CHCHD6: variants seen among roughly 807,000 people sequenced by gnomAD.
The protein encoded by CHCHD6 is MICOS complex subunit MIC25.
A neutral mutation model predicts 32.3 loss-of-function variants in CHCHD6; 28 were observed. The ratio of observed to expected loss-of-function variants is 0.87; its 90% CI spans 0.64 to 1.19. The LOEUF (loss-of-function observed/expected upper bound fraction) is 1.19, where lower values mean the gene tolerates loss of function less well. Ranked by LOEUF, CHCHD6 falls within the 50% of genes most tolerant of loss-of-function variation. The pLI is 0.00. For synonymous variants in CHCHD6, 122 were observed against 117.5 expected (o/e 1.04, Z -0.25); for missense variants, 333 against 307.0 (o/e 1.08, Z -0.63).
At chr3:126,820,189 A>G (rs1940088961) in intron 4 of CHCHD6, among the ~76,000 whole-genome samples, 1 of 152,220 alleles carries the variant, frequency 6.6e-6, no homozygotes, top group Admixed American at 6.5e-5. Context: ...CTCTGGCCAC[A>G]GTGGTTGGTC....
At chr3:126,937,499 T>A (rs1392244714) in intron 6 of CHCHD6, among the ~76,000 whole-genome samples, 3 of 152,346 alleles carry the variant, frequency 2.0e-5, no homozygotes, top group African/African-American at 7.2e-5. Flanking sequence ...GGTCTTGGCC[T>A]GTCCATGGGC....
intron 6 of CHCHD6, among the ~76,000 whole-genome samples, chr3:126,935,987 A>T (rs1322504231): frequency 1.3e-5 from 2 of 152,228 alleles, no homozygotes; most frequent in African/African-American, 4.8e-5. Context: ...TGGCCCAGGA[A>T]ATCCATAGAT....
At chr3:126,711,660 A>G (rs753905676) in intron 1 of CHCHD6, among the ~76,000 whole-genome samples, 1 of 152,164 alleles carries the variant, frequency 6.6e-6, no homozygotes, top group Non-Finnish European at 1.5e-5. Context: ...GATATGATGT[A>G]GCATCTCCAT....
chr3:126,956,303 A>T (rs1311834313), intron 6 of CHCHD6, among the ~76,000 whole-genome samples: 1 of 152,212 alleles, frequency 6.6e-6, no homozygotes, highest in African/African-American at 2.4e-5. Context: ...TAAGTGTTAC[A>T]GTGGGTCCGT....
chr3:126,957,039 C>T, intron 6 of CHCHD6: 1 of 284,754 alleles, frequency 3.5e-6, no homozygotes, highest in African/African-American at 2.1e-5. Flanking sequence ...GGATGGCTAT[C>T]CTGGGCACAG....
chr3:126,746,728 T>G (rs978278261), intron 4 of CHCHD6, among the ~76,000 whole-genome samples: 40 of 152,198 alleles, frequency 2.6e-4, no homozygotes, highest in African/African-American at 9.6e-4. Flanking sequence ...TAGCCTATTG[T>G]GTGCTTAACC....
intron 5 of CHCHD6, among the ~76,000 whole-genome samples, chr3:126,860,561 G>A (rs570036041): frequency 1.3e-5 from 2 of 152,274 alleles, no homozygotes; most frequent in African/African-American, 4.8e-5. Context: ...AAACCTGCAT[G>A]TTGTGCACAT....
At chr3:126,786,143 T>C (rs543711595) in intron 4 of CHCHD6, among the ~76,000 whole-genome samples, 8 of 152,262 alleles carry the variant, frequency 5.3e-5, no homozygotes, top group African/African-American at 1.4e-4. Context: ...CATGTCCCTA[T>C]AAAGGACATG....
chr3:126,889,845 T>C (rs540642560), intron 5 of CHCHD6, among the ~76,000 whole-genome samples: 1 of 152,368 alleles, frequency 6.6e-6, no homozygotes, highest in South Asian at 2.1e-4. Context: ...GTCTGCAGTC[T>C]CTGACCAGGT....
intron 4 of CHCHD6, among the ~76,000 whole-genome samples, chr3:126,844,428 G>C (rs935697138): frequency 6.6e-6 from 1 of 152,082 alleles, no homozygotes; most frequent in African/African-American, 2.4e-5. Flanking sequence ...TGTTATTCTT[G>C]AATAATTGTC....
chr3:126,948,753 A>G (rs2078674832), intron 6 of CHCHD6, among the ~76,000 whole-genome samples: 1 of 152,228 alleles, frequency 6.6e-6, no homozygotes, highest in Non-Finnish European at 1.5e-5. Flanking sequence ...AAAGTGGAAC[A>G]TATAGGTTTG....
chr3:126,862,354 A>G (rs374622663), intron 5 of CHCHD6, among the ~76,000 whole-genome samples: 2,180 of 96,016 alleles, frequency 0.023, no homozygotes, highest in South Asian at 0.044. Flanking sequence ...CTCCCCCACT[A>G]TCACCACCTC....
intron 5 of CHCHD6, among the ~76,000 whole-genome samples, chr3:126,888,267 AGT>A (rs59860567): frequency 0.031 from 4,712 of 152,262 alleles, 158 homozygotes; most frequent in East Asian, 0.15. Context: ...TTCTTTTTAG[AGT>A]TGGTAGAGCG....
At chr3:126,712,763 A>G (rs749416873) in intron 1 of CHCHD6, among the ~76,000 whole-genome samples, 1 of 152,120 alleles carries the variant, frequency 6.6e-6, no homozygotes, top group Non-Finnish European at 1.5e-5. Flanking sequence ...TCATGCACCC[A>G]TGACTTCTGG....
At chr3:126,932,030 G>A (rs2078413828) in intron 6 of CHCHD6, among the ~76,000 whole-genome samples, 1 of 152,218 alleles carries the variant, frequency 6.6e-6, no homozygotes, top group Non-Finnish European at 1.5e-5. Flanking sequence ...CAGGCACACA[G>A]GTTTCACCCT....
chr3:126,851,665 T>A (rs1941477614), intron 4 of CHCHD6, among the ~76,000 whole-genome samples: 1 of 152,184 alleles, frequency 6.6e-6, no homozygotes, highest in African/African-American at 2.4e-5. Flanking sequence ...AGGCGGGCCC[T>A]GGGGCCTAGG....
intron 6 of CHCHD6, among the ~76,000 whole-genome samples, chr3:126,938,390 G>T (rs190352810): frequency 6.6e-6 from 1 of 152,212 alleles, no homozygotes; most frequent in Non-Finnish European, 1.5e-5. Context: ...ATGGTGATAC[G>T]AGAACAAGGC....
intron 6 of CHCHD6, among the ~76,000 whole-genome samples, chr3:126,946,239 T>G (rs1301854713): frequency 6.6e-6 from 1 of 152,148 alleles, no homozygotes; most frequent in Non-Finnish European, 1.5e-5. Flanking sequence ...GCCCTTTCCT[T>G]CCGCCTTGCC....
intron 4 of CHCHD6, among the ~76,000 whole-genome samples, chr3:126,747,505 A>G (rs1426131982): frequency 3.9e-5 from 6 of 152,234 alleles, no homozygotes; most frequent in Non-Finnish European, 7.3e-5. Flanking sequence ...TAGTGAGGCT[A>G]AAGGTGAAAA....
Sources: gnomAD v4.1 joint callset for allele counts (sites outside exome capture counted in the v4.1 genomes callset) on GRCh38, gnomAD v4.1.1 for gene constraint, MANE v1.5 for transcripts, NCBI Gene and HGNC (gene_info 2026-07-23, HGNC 2026-07-21) for gene names.